CAMTA1: variants seen among roughly 807,000 people sequenced by gnomAD.
The protein encoded by CAMTA1 is calmodulin binding transcription activator 1.
CAMTA1 carries 27 observed loss-of-function variants against 170.9 expected under a neutral mutation model. The observed-to-expected ratio is 0.16, with a 90% CI of 0.12 to 0.22. The LOEUF is 0.22. Ranked by LOEUF, CAMTA1 falls within the 10% of genes least tolerant of loss-of-function variation. The probability of loss-of-function intolerance (pLI) is 1.00; values close to 1 mark genes in which losing one functional copy is unlikely to be tolerated. For missense variants in CAMTA1, 1,619 were observed against 2,217.2 expected (o/e 0.73, Z 5.42); for synonymous variants, 833 against 891.5 (o/e 0.93, Z 1.17).
intron 5 of CAMTA1, among the ~76,000 whole-genome samples, chr1:7,450,131 G>T (rs143573599): frequency 6.6e-6 from 1 of 152,164 alleles, no homozygotes; most frequent in East Asian, 1.9e-4. Context: ...CCACCATCCC[G>T]CAAGCCATGG....
At chr1:7,413,429 C>T (rs1428119530) in intron 5 of CAMTA1, among the ~76,000 whole-genome samples, 1 of 152,128 alleles carries the variant, frequency 6.6e-6, no homozygotes. Context: ...TCTTTTATTT[C>T]ATTGAGCAGT....
intron 5 of CAMTA1, among the ~76,000 whole-genome samples, chr1:7,319,585 C>T (rs971046842): frequency 6.6e-6 from 1 of 152,158 alleles, no homozygotes; most frequent in Non-Finnish European, 1.5e-5. Flanking sequence ...CCAGTCTCAG[C>T]TATTTTTTAT....
chr1:7,331,011 G>A (rs6673231), intron 5 of CAMTA1, among the ~76,000 whole-genome samples: 2,167 of 152,208 alleles, frequency 0.014, 50 homozygotes, highest in African/African-American at 0.05. Context: ...AGGCCGAGGC[G>A]GGTGGATCAC....
intron 1 of CAMTA1, among the ~76,000 whole-genome samples, chr1:6,789,529 C>T (rs1241600623): frequency 6.6e-6 from 1 of 152,134 alleles, no homozygotes; most frequent in Non-Finnish European, 1.5e-5. Flanking sequence ...GTACTTCTTT[C>T]TCCTTTCCTT....
At chr1:7,120,694 A>G (rs1357979948) in intron 4 of CAMTA1, among the ~76,000 whole-genome samples, 4 of 152,162 alleles carry the variant, frequency 2.6e-5, no homozygotes, top group Non-Finnish European at 5.9e-5. Flanking sequence ...TCTCCCCACC[A>G]CAGATCCCAA....
At chr1:7,709,835 A>C (rs1270866664) in intron 11 of CAMTA1, among the ~76,000 whole-genome samples, 1 of 152,246 alleles carries the variant, frequency 6.6e-6, no homozygotes, top group African/African-American at 2.4e-5. Context: ...GGTCACCATC[A>C]TCAGATTTTA....
intron 3 of CAMTA1, among the ~76,000 whole-genome samples, chr1:6,847,946 C>T (rs1168762295): frequency 1.3e-4 from 19 of 149,840 alleles, no homozygotes; most frequent in African/African-American, 3.9e-4. Context: ...CTCCTGACCT[C>T]GTAATCTGCC....
chr1:6,793,268 A>G (rs1489282642), intron 1 of CAMTA1, among the ~76,000 whole-genome samples: 2 of 152,190 alleles, frequency 1.3e-5, no homozygotes, highest in Non-Finnish European at 2.9e-5. Flanking sequence ...CTTTTGGGAC[A>G]TAGAGCATTC....
rs562193585 is a variant in CAMTA1, at chr1:7,643,314, C to G, written c.664+2761C>G. On this transcript the variant is annotated intron_variant, in intron 7 of 22. Coordinates refer to ENST00000303635, the MANE Select transcript of CAMTA1 (RefSeq NM_015215.4). ...CCCCATCCATATGGCCGGGGAGCAG[C>G]CCCAATCCCCTGGGCCCCAGCAAAA... Among the ~76,000 whole-genome samples the G allele has an allele frequency of 7.3e-4, 111 of 152,346 alleles. 1 individual carries two copies. Among genetic ancestry groups the G allele is most frequent in the Non-Finnish European group, 1.1e-3 (73 of 68,034 alleles).
At chr1:7,310,667 C>T (rs1448161712) in intron 5 of CAMTA1, among the ~76,000 whole-genome samples, 1 of 28,906 alleles carries the variant, frequency 3.5e-5, no homozygotes, top group African/African-American at 1.9e-4. Flanking sequence ...TTCTTTCTTT[C>T]TTTCCTTTCT....
intron 4 of CAMTA1, among the ~76,000 whole-genome samples, chr1:7,104,692 C>G (rs1444001644): frequency 6.6e-6 from 1 of 152,192 alleles, no homozygotes; most frequent in Non-Finnish European, 1.5e-5. Context: ...CAGCCCCTCC[C>G]CTTCCAATCA....
intron 6 of CAMTA1, among the ~76,000 whole-genome samples, chr1:7,608,767 A>C (rs2095503642): frequency 6.6e-6 from 1 of 152,010 alleles, no homozygotes; most frequent in Non-Finnish European, 1.5e-5. Context: ...GTTATTGACA[A>C]TCTGTCATCT....
intron 5 of CAMTA1, among the ~76,000 whole-genome samples, chr1:7,259,582 G>A (rs1667882999): frequency 6.6e-6 from 1 of 152,204 alleles, no homozygotes; most frequent in African/African-American, 2.4e-5. Context: ...CTTGCCCCCA[G>A]GCAAGTGGTT....
chr1:6,902,606 G>C (rs1677367858), intron 3 of CAMTA1, among the ~76,000 whole-genome samples: 1 of 152,178 alleles, frequency 6.6e-6, no homozygotes, highest in South Asian at 2.1e-4. Flanking sequence ...TTTCTGTATG[G>C]TGTTTGTGAT....
intron 6 of CAMTA1, among the ~76,000 whole-genome samples, chr1:7,522,876 G>T (rs574357214): frequency 9.2e-5 from 14 of 152,064 alleles, no homozygotes; most frequent in Admixed American, 5.9e-4. Flanking sequence ...TCTTTTTTTG[G>T]TTTTTTGAGA....
intron 3 of CAMTA1, among the ~76,000 whole-genome samples, chr1:6,920,848 T>C (rs1681846357): frequency 1.3e-5 from 2 of 152,208 alleles, no homozygotes; most frequent in Non-Finnish European, 2.9e-5. Flanking sequence ...ACCAAGTCCC[T>C]GGGCTGCACA....
At chr1:7,728,745 A>G (rs895852550) in intron 11 of CAMTA1, among the ~76,000 whole-genome samples, 6 of 152,218 alleles carry the variant, frequency 3.9e-5, no homozygotes, top group Admixed American at 6.5e-5. Flanking sequence ...TGAAGAGTCA[A>G]CTTCTTAGGC....
chr1:7,319,530 C>G (rs1678042266), intron 5 of CAMTA1, among the ~76,000 whole-genome samples: 1 of 152,186 alleles, frequency 6.6e-6, no homozygotes, highest in African/African-American at 2.4e-5. Context: ...CCTGTACAGC[C>G]TGTGGAACCG....
rs575602700 is a variant in CAMTA1, at chr1:7,215,126, T to A, written c.303-34365T>A. ...TCTTATTTGGAATATTTGTGTTTTC[T>A]CATTCTTTGATGAAGTTTAGCTTGT... On this transcript the variant is annotated intron_variant, in intron 4 of 22. Coordinates refer to ENST00000303635, the MANE Select transcript of CAMTA1 (RefSeq NM_015215.4). Among the ~76,000 whole-genome samples the A allele has an allele frequency of 1.7e-4, 26 of 151,970 alleles. 1 individual carries two copies. The South Asian group carries it at 5.4e-3, about 32-fold the overall frequency.
Sources: gnomAD v4.1 joint callset for allele counts (sites outside exome capture counted in the v4.1 genomes callset) on GRCh38, gnomAD v4.1.1 for gene constraint, MANE v1.5 for transcripts, NCBI Gene and HGNC (gene_info 2026-07-23, HGNC 2026-07-21) for gene names.